CDH4: variants seen among roughly 807,000 people sequenced by gnomAD.
CDH4 encodes cadherin 4, also known as cadherin-4.
Under a neutral mutation model 86.0 loss-of-function variants are expected in CDH4, and 33 were observed. The observed-to-expected ratio is 0.38, with a 90% CI of 0.29 to 0.51. The LOEUF is 0.51. Ranked by LOEUF, CDH4 falls within the 20% of genes least tolerant of loss-of-function variation. The pLI is 0.86. For missense variants in CDH4, 1,114 were observed against 1,307.4 expected, an observed-to-expected ratio of 0.85 and a Z score of 2.28; for synonymous variants, 555 against 549.4, an observed-to-expected ratio of 1.01 and a Z score of -0.14.
intron 5 of CDH4, among the ~76,000 whole-genome samples, chr20:61,850,499 G>A (rs552692677): frequency 2.6e-4 from 39 of 152,196 alleles, no homozygotes; most frequent in Non-Finnish European, 4.4e-4. Flanking sequence ...GCCAAGAGGC[G>A]GGAGCATTAG....
At chr20:61,430,156 T>C (rs962744805) in intron 2 of CDH4, among the ~76,000 whole-genome samples, 28 of 152,244 alleles carry the variant, frequency 1.8e-4, no homozygotes, top group Admixed American at 6.5e-5. Context: ...AGCTCTCCAG[T>C]GCCTTTGGTG....
chr20:61,442,785 A>T (rs1211179315), intron 2 of CDH4, among the ~76,000 whole-genome samples: 1 of 152,206 alleles, frequency 6.6e-6, no homozygotes, highest in Non-Finnish European at 1.5e-5. Flanking sequence ...TTATGCTGAT[A>T]AAAAAATACA....
chr20:61,296,742 T>G (rs1474724069), intron 2 of CDH4, among the ~76,000 whole-genome samples: 1 of 151,854 alleles, frequency 6.6e-6, no homozygotes, highest in Non-Finnish European at 1.5e-5. Context: ...GCGTCTGGGG[T>G]GATATTCTGG....
chr20:61,710,428 G>C (rs1289315374), intron 2 of CDH4, among the ~76,000 whole-genome samples: 2 of 152,238 alleles, frequency 1.3e-5, no homozygotes, highest in Non-Finnish European at 2.9e-5. Flanking sequence ...GCCTCTATCT[G>C]TGTGCAGGCC....
At chr20:61,264,059 C>T (rs1356370098) in intron 2 of CDH4, among the ~76,000 whole-genome samples, 1 of 152,148 alleles carries the variant, frequency 6.6e-6, no homozygotes, top group Non-Finnish European at 1.5e-5. Context: ...GCCAAGTCCC[C>T]ACTACCACGT....
At chr20:61,255,556 GA>G (rs2084093856) in intron 2 of CDH4, among the ~76,000 whole-genome samples, 1 of 152,234 alleles carries the variant, frequency 6.6e-6, no homozygotes, top group Non-Finnish European at 1.5e-5. Context: ...ATTTGCATAG[GA>G]GGGGACATAA....
chr20:61,735,857 C>T (rs990561043), intron 2 of CDH4, among the ~76,000 whole-genome samples: 1 of 152,210 alleles, frequency 6.6e-6, no homozygotes, highest in Non-Finnish European at 1.5e-5. Context: ...CAGCCTTCTG[C>T]CTCGGGGGCT....
At chr20:61,627,364 C>A (rs551040475) in intron 2 of CDH4, among the ~76,000 whole-genome samples, 1 of 152,158 alleles carries the variant, frequency 6.6e-6, no homozygotes, top group Admixed American at 6.5e-5. Flanking sequence ...ACTCAGGTCT[C>A]CCCCTTGGCA....
chr20:61,550,520 G>C (rs2086121788), intron 2 of CDH4, among the ~76,000 whole-genome samples: 1 of 152,164 alleles, frequency 6.6e-6, no homozygotes, highest in Non-Finnish European at 1.5e-5. Context: ...CCCTGTAACT[G>C]GTCCCACCCC....
intron 2 of CDH4, among the ~76,000 whole-genome samples, chr20:61,624,739 G>C (rs1297218402): frequency 6.6e-6 from 1 of 152,242 alleles, no homozygotes; most frequent in Non-Finnish European, 1.5e-5. Flanking sequence ...GGAGAAAACA[G>C]AGCCAGGTTT....
At chr20:61,739,773 C>T (rs2145937659) in intron 2 of CDH4, among the ~76,000 whole-genome samples, 1 of 152,356 alleles carries the variant, frequency 6.6e-6, no homozygotes, top group East Asian at 1.9e-4. Flanking sequence ...AGACAGCAGG[C>T]CGCTCCCGGC....
chr20:61,754,794 G>A lies in CDH4; in HGVS notation c.396+11005G>A, dbSNP rs889581087. Reference sequence around the variant, plus strand: ...CACACACACCACACACACACTGCACGCCACACACACCACACACACGATGCA... The same window carrying A: ...CACACACACCACACACACACTGCACACCACACACACCACACACACGATGCA... On this transcript the variant is annotated intron_variant, in intron 3 of 15. Coordinates refer to ENST00000614565, the MANE Select transcript of CDH4 (RefSeq NM_001794.5). This position sits in a 1 kb window ranked among gnomAD's most constrained non-coding sequence, Gnocchi z 4.7. Among the ~76,000 whole-genome samples the A allele has an allele frequency of 2.2e-5, 3 of 135,806 alleles. No individual in the cohort carries two copies. The highest frequency in any genetic ancestry group is 4.9e-4 in the South Asian group (2 of 4,090). 89.1% of individuals were successfully genotyped at this position (135,806 alleles called of 152,430 possible).
At chr20:61,667,716 G>A (rs776741536) in intron 2 of CDH4, among the ~76,000 whole-genome samples, 31 of 152,186 alleles carry the variant, frequency 2.0e-4, no homozygotes, top group Non-Finnish European at 4.6e-4. Context: ...GGGTCGGGCT[G>A]GACTCGGGTC....
At chr20:61,728,819 A>G (rs2088144094) in intron 2 of CDH4, among the ~76,000 whole-genome samples, 1 of 152,220 alleles carries the variant, frequency 6.6e-6, no homozygotes, top group East Asian at 1.9e-4. Flanking sequence ...AGTTCTAAAA[A>G]TAACTCGCAC....
In CDH4 at chr20:61,537,105, C is replaced by T. The variant is rs139631858; in HGVS notation, c.170-206458C>T. Among the ~76,000 whole-genome samples, 768 of 152,300 alleles carry T rather than the reference C, an allele frequency of 5.0e-3. 19 individuals carry two copies. The East Asian group carries it at 0.051, about 10-fold the overall frequency. The stretch of plus-strand genomic sequence containing the variant: ...ACAGGCGTTCACTGGGGATGCCAGG[C>T]GTCATGCCATTTCACCTGTTTAAAG... On this transcript the variant is annotated intron_variant, in intron 2 of 15. Coordinates refer to ENST00000614565, the MANE Select transcript of CDH4 (RefSeq NM_001794.5).
At chr20:61,650,228 T>C (rs987154375) in intron 2 of CDH4, among the ~76,000 whole-genome samples, 9 of 152,178 alleles carry the variant, frequency 5.9e-5, no homozygotes, top group Non-Finnish European at 1.3e-4. Context: ...ATCAGAAGAA[T>C]CTCTTCCACA....
chr20:61,456,551 T>C (rs2085407831), intron 2 of CDH4, among the ~76,000 whole-genome samples: 2 of 152,204 alleles, frequency 1.3e-5, no homozygotes, highest in African/African-American at 2.4e-5. Context: ...CATCAATAAA[T>C]AATTCACCCA....
chr20:61,409,700 C>T lies in CDH4; in HGVS notation c.169+154763C>T, dbSNP rs558678404. On this transcript the variant is annotated intron_variant, in intron 2 of 15. Coordinates refer to ENST00000614565, the MANE Select transcript of CDH4 (RefSeq NM_001794.5). The stretch of plus-strand genomic sequence containing the variant: ...GTCTACAGAGATACCGGCAACTTTT[C>T]TTCTACACTGCACTTTCCTGCGGCC... 5.3e-4 allele frequency among the ~76,000 whole-genome samples: 81 copies of T among 152,390 alleles called. 1 individual carries two copies. Among genetic ancestry groups the T allele is most frequent in the Middle Eastern group, 6.8e-3 (2 of 294 alleles).
At position 61,910,437 on chromosome 20, in the gene CDH4, C is replaced by A; in HGVS notation, c.1204C>A (p.Pro402Thr). Residue 402 changes from proline (P) to threonine (T), a missense_variant, in exon 9 of 16, where the codon CCC becomes ACC. Pro to Thr is a conservative substitution (Grantham distance 38). Around this residue, in one of 3 missense-constraint regions of CDH4, gnomAD observed 705 missense variants for 914.1 expected, o/e 0.77. Coordinates refer to ENST00000614565, the MANE Select transcript of CDH4 (RefSeq NM_001794.5). ...FTASTFAGEV[P>T]ENRVETVVAN... ...CATTTTGCAGTTTGCAGGGGAGGTC[C>A]CCGAAAACCGCGTGGAGACCGTGGT... 1 of 1,613,334 alleles carries A rather than the reference C, an allele frequency of 6.2e-7. No homozygotes were observed. Among genetic ancestry groups the A allele is most frequent in the Non-Finnish European group, 8.5e-7 (1 of 1,179,520 alleles).
Sources: gnomAD v4.1 joint callset for allele counts (sites outside exome capture counted in the v4.1 genomes callset) on GRCh38, gnomAD v4.1.1 for gene constraint, gnomAD v4.1.1 regional missense constraint, Gnocchi (gnomAD v3.1) non-coding constraint, MANE v1.5 for transcripts, NCBI Gene and HGNC (gene_info 2026-07-23, HGNC 2026-07-21) for gene names.